The following SIGLEC14 variants were observed in gnomAD, a reference collection of about 807,000 sequenced individuals.
SIGLEC14 encodes sialic acid-binding Ig-like lectin 14.
Under a neutral mutation model 34.2 loss-of-function variants are expected in SIGLEC14, and 11 were observed. The ratio of observed to expected loss-of-function variants is 0.32; its 90% CI spans 0.20 to 0.53. The LOEUF (loss-of-function observed/expected upper bound fraction) is 0.53. SIGLEC14 is among the 20% of genes least tolerant of loss of function. The pLI is 0.95. For synonymous variants in SIGLEC14, 99 were observed against 179.7 expected (o/e 0.55, Z 3.59); for missense variants, 264 against 439.0 (o/e 0.60, Z 3.56).
chr19:51,643,179 G>T lies in SIGLEC14; in HGVS notation c.*176C>A, dbSNP rs545151755. On this transcript the variant is annotated 3_prime_UTR_variant, in exon 7 of 7. Coordinates refer to ENST00000360844, the MANE Select transcript of SIGLEC14 (RefSeq NM_001098612.3). ...ATGGGGTGCAGATGGGGATGCAGGT[G>T]TGGTGGGGCAAGACTCACAAGCAGA... The T allele has an allele frequency of 1.7e-6, 1 of 604,032 alleles. No individual in the cohort carries two copies. The highest frequency in any genetic ancestry group is 2.2e-5 in the African/African-American group (1 of 44,748). 37.4% of individuals were successfully genotyped at this position (604,032 alleles called of 1,614,324 possible).
chr19:51,644,338 C>A (rs946728954), intron 4 of SIGLEC14, among the ~76,000 whole-genome samples: 1 of 137,670 alleles, frequency 7.3e-6, no homozygotes, highest in Non-Finnish European at 1.5e-5. Flanking sequence ...GATCCGCAAC[C>A]TGTCAGGGAG....
rs1383911809 is a variant in SIGLEC14 at position 51,646,341 on chromosome 19, T to C, written c.337A>G (p.Thr113Ala). The C allele has an allele frequency of 8.0e-7, 1 of 1,249,096 alleles. No individual in the cohort carries two copies. The highest frequency in any genetic ancestry group is 3.6e-5 in the East Asian group (1 of 27,408). 77.4% of individuals were successfully genotyped at this position (1,249,096 alleles called of 1,614,324 possible). Residue 113 changes from threonine (T) to alanine (A), a missense_variant, in exon 2 of 7, where the codon ACG becomes GCG. By Grantham distance (58) the Thr-to-Ala change is moderately conservative. This residue lies in a region of SIGLEC14 where 31 missense variants were observed against 67.4 expected (regional missense o/e 0.46). Transcript: ENST00000360844. Reference sequence around the variant, plus strand: ...TCCACGCGGAAGAAATAGCTTCCCGTGTCCTCCATTCTGGCATCTCCGATG... The same window carrying C: ...TCCACGCGGAAGAAATAGCTTCCCGCGTCCTCCATTCTGGCATCTCCGATG... ...LSIGDARMED[T>A]GSYFFRVERG... is the part of the protein sequence containing the mutation.
intron 1 of SIGLEC14, 24 bp downstream of exon 1, chr19:51,646,699 T>C (rs1226622279): frequency 6.9e-6 from 4 of 581,510 alleles, no homozygotes; most frequent in Non-Finnish European, 1.1e-5. Context: ...CCTGTGCCTG[T>C]CCCTCCTCCC....
In SIGLEC14 at chr19:51,641,663, C is replaced by T. The variant is rs1399717434; in HGVS notation, c.*1692G>A. ...GCAGGGACATGAGTGGAGCTGGAGACCATTATCCTCAGCAAACTATCACAA... is the reference window on the plus strand; with the variant it reads ...GCAGGGACATGAGTGGAGCTGGAGATCATTATCCTCAGCAAACTATCACAA... On this transcript the variant is annotated 3_prime_UTR_variant, in exon 7 of 7. Coordinates refer to ENST00000360844, the MANE Select transcript of SIGLEC14 (RefSeq NM_001098612.3). Among the ~76,000 whole-genome samples the T allele has an allele frequency of 7.2e-6, 1 of 139,068 alleles. No homozygotes were observed. The highest frequency in any genetic ancestry group is 2.7e-5 in the African/African-American group (1 of 36,588). The allele number at this position is 139,068 out of a possible 152,430, so 91.2% of individuals were successfully genotyped here.
chr19:51,643,891 C>G lies in SIGLEC14; in HGVS notation c.900G>C (p.Met300Ile). 2 of 1,534,066 alleles carry G rather than the reference C, an allele frequency of 1.3e-6. No homozygotes were observed. Among genetic ancestry groups the G allele is most frequent in the Non-Finnish European group, 1.8e-6 (2 of 1,141,646 alleles). ...TGTTAGGCAGCTCCAGGGTCCCAGACATTGAGGTCTGGGAAGGATTGAGGG... is the reference window on the plus strand; with the variant it reads ...TGTTAGGCAGCTCCAGGGTCCCAGAGATTGAGGTCTGGGAAGGATTGAGGG... ...GKALNPSQTSMSGTLELPNIG... is the reference protein window; with the variant it reads ...GKALNPSQTSISGTLELPNIG... The change falls in exon 5 of 7, where the codon ATG becomes ATC. Residue 300 changes from methionine (M) to isoleucine (I), a missense_variant. This residue lies in a region of SIGLEC14 where 149 missense variants were observed against 184.4 expected (regional missense o/e 0.81). Transcript: ENST00000360844.
rs1600110026 is a variant in SIGLEC14 at position 51,643,180 on chromosome 19, T to G, written c.*175A>C. The G allele has an allele frequency of 3.4e-6, 2 of 584,658 alleles. No individual in the cohort carries two copies. Among genetic ancestry groups the G allele is most frequent in the African/African-American group, 2.6e-5 (1 of 38,674 alleles). 36.2% of individuals were successfully genotyped at this position (584,658 alleles called of 1,614,324 possible). On this transcript the variant is annotated 3_prime_UTR_variant, in exon 7 of 7. Coordinates refer to ENST00000360844, the MANE Select transcript of SIGLEC14 (RefSeq NM_001098612.3). ...TGGGGTGCAGATGGGGATGCAGGTG[T>G]GGTGGGGCAAGACTCACAAGCAGAG...
Position 51,643,602 on chromosome 19 carries a change from G to T in SIGLEC14, c.1083C>A (p.Ile361=). Residue 361 remains isoleucine, a synonymous_variant, in exon 6 of 7, where the codon ATC becomes ATA. Transcript: ENST00000360844. ...AGCCAGCCCCCATGAGAGCCCCCCT[G>T]ATCAGGGTGAGGACGAGGGGCCAGG... is the stretch of plus-strand genomic sequence containing the variant. ...QGSWPLVLTL[I]RGALMGAGFL... is the part of the protein sequence containing the mutation. 1 of 1,530,438 alleles carries T rather than the reference G, an allele frequency of 6.5e-7. No homozygotes were observed. The highest frequency in any genetic ancestry group is 8.8e-7 in the Non-Finnish European group (1 of 1,140,520). The allele number at this position is 1,530,438 out of a possible 1,614,324, so 94.8% of individuals were successfully genotyped here. A position where few individuals can be genotyped will look rare whatever the true frequency, so the allele number is the denominator to read the frequency against.
chr19:51,645,655 C>T (rs1984017792), intron 3 of SIGLEC14, 125 bp from the exon 4 acceptor site: 2 of 1,452,980 alleles, frequency 1.4e-6, no homozygotes, highest in African/African-American at 3.1e-5. Context: ...CCTGCCCACA[C>T]ACGAGTTTTC....
At position 51,643,805 on chromosome 19, in the gene SIGLEC14, T is replaced by C; in HGVS notation, c.986A>G (p.His329Arg). The C allele has an allele frequency of 6.6e-7, 1 of 1,525,108 alleles. No homozygotes were observed. Among genetic ancestry groups the C allele is most frequent in the Non-Finnish European group, 8.8e-7 (1 of 1,136,090 alleles). The allele number at this position is 1,525,108 out of a possible 1,614,324, so 94.5% of individuals were successfully genotyped here. A position where few individuals can be genotyped will look rare whatever the true frequency, so the allele number is the denominator to read the frequency against. Reference sequence around the variant, plus strand: ...CTGCACAGAAAGGATGAAGGACAGGTGCTGGGAGCCCAGCGGATGCTGAAC... The same window carrying C: ...CTGCACAGAAAGGATGAAGGACAGGCGCTGGGAGCCCAGCGGATGCTGAAC... ...CRVQHPLGSQ[H>R]LSFILSVQRS... Residue 329 changes from histidine to arginine, a missense_variant, in exon 5 of 7, where the codon CAC (histidine) becomes CGC (arginine). Transcript: ENST00000360844.
intron 4 of SIGLEC14, among the ~76,000 whole-genome samples, chr19:51,644,549 A>G (rs1983990247): frequency 7.3e-6 from 1 of 137,236 alleles, no homozygotes. Context: ...GTGGGATAGG[A>G]GGCAGGGAGG....
In SIGLEC14 at chr19:51,640,922, C is replaced by T. The variant is rs1983891951; in HGVS notation, c.*2433G>A. On this transcript the variant is annotated 3_prime_UTR_variant, in exon 7 of 7. Coordinates refer to ENST00000360844, the MANE Select transcript of SIGLEC14 (RefSeq NM_001098612.3). The stretch of plus-strand genomic sequence containing the variant: ...CCTGGGAGGCGGAGGTTGCAGTGAG[C>T]CAAGATCGCGCCATTGCACTCCAGC... Among the ~76,000 whole-genome samples the T allele has an allele frequency of 1.4e-5, 2 of 138,858 alleles. 1 individual carries two copies. Among genetic ancestry groups the T allele is most frequent in the Non-Finnish European group, 3.1e-5 (2 of 64,916 alleles). The allele number at this position is 138,858 out of a possible 152,430, so 91.1% of individuals were successfully genotyped here. A position where few individuals can be genotyped will look rare whatever the true frequency, so the allele number is the denominator to read the frequency against.
intron 6 of SIGLEC14, 58 bp from the exon 7 acceptor site, chr19:51,643,455 T>TGGGGGGGG: frequency 2.3e-6 from 3 of 1,294,472 alleles, no homozygotes; most frequent in Non-Finnish European, 2.0e-6. Context: ...TAATTCCAGG[T>TGGGGGGGG]GGGGCTGAGC....
Position 51,643,064 on chromosome 19 carries a change from G to C in SIGLEC14, c.*291C>G, listed in dbSNP as rs1476337234. ...AAAAAAAGGTAACTTTTGGGTAATG[G>C]GTAATGGGGGTATAAGACCGAAAGT... On this transcript the variant is annotated 3_prime_UTR_variant, in exon 7 of 7. Transcript: ENST00000360844. 3.1e-6 allele frequency: 1 copy of C among 320,750 alleles called. No individual in the cohort carries two copies. The highest frequency in any genetic ancestry group is 4.5e-5 in the Admixed American group (1 of 22,052). 19.9% of individuals were successfully genotyped at this position (320,750 alleles called of 1,614,324 possible).
intron 6 of SIGLEC14, 50 bp downstream of exon 6, chr19:51,643,487 A>ACCCCCCC: frequency 1.1e-5 from 14 of 1,299,098 alleles, no homozygotes; most frequent in Admixed American, 2.3e-5. Flanking sequence ...AGGACAGCTC[A>ACCCCCCC]GCCCCACCTG....
Position 51,643,818 on chromosome 19 carries a change from G to A in SIGLEC14, c.973C>T (p.Leu325=), listed in dbSNP as rs374068783. 11 of 1,528,400 alleles carry A rather than the reference G, an allele frequency of 7.2e-6. 3 individuals carry two copies. Among genetic ancestry groups the A allele is most frequent in the Non-Finnish European group, 9.7e-6 (11 of 1,137,866 alleles). The allele number at this position is 1,528,400 out of a possible 1,614,324, so 94.7% of individuals were successfully genotyped here. A position where few individuals can be genotyped will look rare whatever the true frequency, so the allele number is the denominator to read the frequency against. The part of the protein sequence containing the change: ...GEFTCRVQHP[L]GSQHLSFILS... ...ATGAAGGACAGGTGCTGGGAGCCCA[G>A]CGGATGCTGAACCCGGCAGGTGAAT... The change falls in exon 5 of 7, where the codon CTG becomes TTG. Residue 325 remains leucine (L), a synonymous_variant. Coordinates refer to ENST00000360844, the MANE Select transcript of SIGLEC14 (RefSeq NM_001098612.3).
At chr19:51,644,074 G>A in intron 4 of SIGLEC14, 38 bp from the exon 5 acceptor site, 1 of 1,456,004 alleles carries the variant, frequency 6.9e-7, no homozygotes, top group South Asian at 1.4e-5. Flanking sequence ...GTGGAGCTGG[G>A]AGGCCCAATT....
chr19:51,642,946 C>T lies in SIGLEC14; in HGVS notation c.*409G>A, dbSNP rs1234499582. 6.4e-6 allele frequency: 1 copy of T among 156,828 alleles called. No homozygotes were observed. 9.7% of individuals were successfully genotyped at this position (156,828 alleles called of 1,614,324 possible). On this transcript the variant is annotated 3_prime_UTR_variant, in exon 7 of 7. Transcript: ENST00000360844. ...GGCTGAGGCAGGAGAATTGCTTGAA[C>T]CCCAGAGGTGGAGGTTGCAGTGAAC...
At position 51,640,177 on chromosome 19, in the gene SIGLEC14, C is replaced by T. The variant is rs1983878404; in HGVS notation, c.*3178G>A. 7.2e-6 allele frequency among the ~76,000 whole-genome samples: 1 copy of T among 138,982 alleles called. No homozygotes were observed. The highest frequency in any genetic ancestry group is 1.5e-5 in the Non-Finnish European group (1 of 64,992). The allele number at this position is 138,982 out of a possible 152,430, so 91.2% of individuals were successfully genotyped here. A position where few individuals can be genotyped will look rare whatever the true frequency, so the allele number is the denominator to read the frequency against. On this transcript the variant is annotated 3_prime_UTR_variant, in exon 7 of 7. Transcript: ENST00000360844. The stretch of plus-strand genomic sequence containing the variant: ...CTAGCAGAGTGAACTCACCACAACA[C>T]AACAAAACAAACAAACAAAAAATCC...
rs1040181396 is a variant in SIGLEC14 at position 51,639,942 on chromosome 19, C to T, written c.*3413G>A. The stretch of plus-strand genomic sequence containing the variant: ...AAAAAGAATGAAGAAATTATAAAAG[C>T]AGCAAGACATAAACAGATATTGCCT... On this transcript the variant is annotated 3_prime_UTR_variant, in exon 7 of 7. Transcript: ENST00000360844. 2 of 139,156 alleles carry T rather than the reference C, an allele frequency of 1.4e-5. No individual in the cohort carries two copies. Among genetic ancestry groups the T allele is most frequent in the African/African-American group, 5.5e-5 (2 of 36,690 alleles). The allele number at this position is 139,156 out of a possible 1,614,324, so 8.6% of individuals were successfully genotyped here.
Sources: gnomAD v4.1 joint callset for allele counts (sites outside exome capture counted in the v4.1 genomes callset) on GRCh38, gnomAD v4.1.1 for gene constraint, gnomAD v4.1.1 regional missense constraint, MANE v1.5 for transcripts, NCBI Gene and HGNC (gene_info 2026-07-23, HGNC 2026-07-21) for gene names.